TWIST2: variants seen among roughly 807,000 people sequenced by gnomAD.
The protein encoded by TWIST2 is twist family bHLH transcription factor 2.
In TWIST2, 1 loss-of-function variant was observed where a neutral mutation model predicts 11.6. The observed-to-expected ratio is 0.09, with a 90% CI of 0.03 to 0.41. TWIST2 has a LOEUF of 0.41. Ranked by LOEUF, TWIST2 falls within the 10% of genes least tolerant of loss-of-function variation. The pLI is 0.98. For synonymous variants in TWIST2, 87 were observed against 96.6 expected, an observed-to-expected ratio of 0.90 and a Z score of 0.58; for missense variants, 168 against 226.4, an observed-to-expected ratio of 0.74 and a Z score of 1.66.
At chr2:238,900,290 T>C (rs1488361367) in intron 1 of TWIST2, among the ~76,000 whole-genome samples, 1 of 152,170 alleles carries the variant, frequency 6.6e-6, no homozygotes, top group African/African-American at 2.4e-5. Context: ...TCCTTATTCA[T>C]TGTGTGACTG....
At chr2:238,902,120 C>G (rs1693274612) in intron 1 of TWIST2, among the ~76,000 whole-genome samples, 1 of 152,132 alleles carries the variant, frequency 6.6e-6, no homozygotes, top group Non-Finnish European at 1.5e-5. Context: ...ACCCCTGATC[C>G]TCACTTTTAC....
rs191625359 is a variant in TWIST2, at chr2:238,852,295, T to C, written c.*35+3562T>C. On this transcript the variant is annotated intron_variant, in intron 1 of 1. Transcript: ENST00000612363. ...TTTATGACGGTTTTTAAGCTTAGTA[T>C]TTATATTAATCTATTCTCACTGGTG... 2.7e-3 allele frequency among the ~76,000 whole-genome samples: 417 copies of C among 152,332 alleles called. 3 individuals carry two copies. Among genetic ancestry groups the C allele is most frequent in the African/African-American group, 9.3e-3 (385 of 41,580 alleles).
intron 1 of TWIST2, among the ~76,000 whole-genome samples, chr2:238,905,966 TGTGTGTGCGC>T (rs1693346971): frequency 2.2e-4 from 27 of 124,258 alleles, no homozygotes; most frequent in Admixed American, 5.3e-4. Flanking sequence ...TACGTGTGCG[TGTGTGTGCGC>T]GCGCGTGTAC....
chr2:238,856,500 TA>T (rs1257626415), intron 1 of TWIST2, among the ~76,000 whole-genome samples: 6 of 152,210 alleles, frequency 3.9e-5, no homozygotes, highest in African/African-American at 1.4e-4. Context: ...CTGTGTACAT[TA>T]GTCTATCATT....
chr2:238,904,554 G>A (rs1052752371), intron 1 of TWIST2, among the ~76,000 whole-genome samples: 79 of 151,886 alleles, frequency 5.2e-4, no homozygotes, highest in Non-Finnish European at 8.7e-4. Context: ...CTGCCATGCT[G>A]GTTCTGACTG....
At chr2:238,905,918 CAG>C (rs1693340787) in intron 1 of TWIST2, among the ~76,000 whole-genome samples, 3 of 112,842 alleles carry the variant, frequency 2.7e-5, no homozygotes, top group African/African-American at 7.3e-5. Flanking sequence ...TGTGTGCGTG[CAG>C]GTGTGCGTGT....
intron 1 of TWIST2, among the ~76,000 whole-genome samples, chr2:238,875,368 C>T (rs961058765): frequency 3.3e-5 from 5 of 151,926 alleles, no homozygotes; most frequent in East Asian, 3.9e-4. Context: ...CCTCCAACAG[C>T]ACCACCCACT....
intron 1 of TWIST2, among the ~76,000 whole-genome samples, chr2:238,849,230 G>C (rs1692193306): frequency 6.6e-6 from 1 of 152,188 alleles, no homozygotes; most frequent in Non-Finnish European, 1.5e-5. Context: ...GCGTCCGTCG[G>C]GCGGACACTC....
intron 1 of TWIST2, among the ~76,000 whole-genome samples, chr2:238,852,143 G>GA (rs1162526380): frequency 2.5e-4 from 38 of 149,732 alleles, no homozygotes; most frequent in African/African-American, 5.4e-4. Context: ...TTTAAAAAAA[G>GA]AAAAAAAAAC....
intron 1 of TWIST2, among the ~76,000 whole-genome samples, chr2:238,891,775 C>A (rs1187840522): frequency 6.6e-6 from 1 of 151,192 alleles, no homozygotes; most frequent in Non-Finnish European, 1.5e-5. Flanking sequence ...AGTCCAAAAA[C>A]CCCGCTATTC....
At chr2:238,891,122 T>C (rs905223946) in intron 1 of TWIST2, among the ~76,000 whole-genome samples, 12 of 152,232 alleles carry the variant, frequency 7.9e-5, no homozygotes, top group African/African-American at 2.4e-4. Context: ...ATTCGCAGTC[T>C]GATCTCAAAA....
rs185488426 is a variant in TWIST2 at position 238,850,384 on chromosome 2, C to A, written c.*35+1651C>A. Among the ~76,000 whole-genome samples the A allele has an allele frequency of 2.2e-3, 329 of 152,266 alleles. 1 individual carries two copies. Among genetic ancestry groups the A allele is most frequent in the Non-Finnish European group, 4.0e-3 (270 of 68,026 alleles). On this transcript the variant is annotated intron_variant, in intron 1 of 1. Transcript: ENST00000612363. Reference sequence around the variant, plus strand: ...ATAATGAGCTTCCATTAGTTACTTCCATTTATGCTTTACCTCATTCATGGT... The same window carrying A: ...ATAATGAGCTTCCATTAGTTACTTCAATTTATGCTTTACCTCATTCATGGT...
intron 1 of TWIST2, among the ~76,000 whole-genome samples, chr2:238,874,671 G>T (rs1692771426): frequency 6.6e-6 from 1 of 152,204 alleles, no homozygotes. Context: ...TTTCTCTAAA[G>T]ATGCAAATCT....
intron 1 of TWIST2, among the ~76,000 whole-genome samples, chr2:238,892,672 G>GA (rs1474081986): frequency 6.6e-6 from 1 of 151,982 alleles, no homozygotes. Context: ...GTAGAGACGG[G>GA]ATTTCACCAT....
intron 1 of TWIST2, among the ~76,000 whole-genome samples, chr2:238,900,769 C>G (rs1693259807): frequency 6.6e-6 from 1 of 152,108 alleles, no homozygotes; most frequent in East Asian, 1.9e-4. Flanking sequence ...TTGTCTGGGT[C>G]TGGAAGCCGT....
Position 238,848,389 on chromosome 2 carries a change from G to T in TWIST2, c.174G>T (p.Ala58=). ...GCGGCAAGAAGGGCAGCCCCAGCGC[G>T]CAGTCCTTCGAGGAGCTGCAGAGCC... ...GKRGKKGSPS[A]QSFEELQSQR... is the part of the protein sequence containing the mutation. Residue 58 remains alanine, a synonymous_variant, in exon 1 of 2, where the codon GCG becomes GCT. Coordinates refer to ENST00000612363, the MANE Select transcript of TWIST2 (RefSeq NM_001271893.4). 6.5e-7 allele frequency: 1 copy of T among 1,535,394 alleles called. No homozygotes were observed. Among genetic ancestry groups the T allele is most frequent in the Non-Finnish European group, 8.7e-7 (1 of 1,146,092 alleles).
intron 1 of TWIST2, among the ~76,000 whole-genome samples, chr2:238,902,985 GTGATGGGTA>G: frequency 2.5e-5 from 1 of 40,712 alleles, no homozygotes; most frequent in Non-Finnish European, 4.2e-5. Context: ...ATGTGGGTGT[GTGATGGGTA>G]TGTGCGTGAT....
chr2:238,870,483 C>G (rs1692652436), intron 1 of TWIST2, among the ~76,000 whole-genome samples: 3 of 148,496 alleles, frequency 2.0e-5, no homozygotes, highest in Admixed American at 6.7e-5. Context: ...ACGCCACACA[C>G]ACACCACACA....
intron 1 of TWIST2, among the ~76,000 whole-genome samples, chr2:238,903,223 G>A (rs1693299955): frequency 6.8e-6 from 1 of 147,082 alleles, no homozygotes; most frequent in Non-Finnish European, 1.5e-5. Flanking sequence ...TGAGGTTTAT[G>A]TGATGGGTGT....
Sources: gnomAD v4.1 joint callset for allele counts (sites outside exome capture counted in the v4.1 genomes callset) on GRCh38, gnomAD v4.1.1 for gene constraint, MANE v1.5 for transcripts, NCBI Gene and HGNC (gene_info 2026-07-23, HGNC 2026-07-21) for gene names.